Variants in COMMD1 observed in about 807,000 individuals in gnomAD.
The protein encoded by COMMD1 is COMM domain-containing protein 1.
A neutral mutation model predicts 17.2 loss-of-function variants in COMMD1; 10 were observed. The ratio of observed to expected loss-of-function variants is 0.58; its 90% CI spans 0.36 to 0.99. The LOEUF is 0.99. Among genes scored for constraint, COMMD1 ranks in the 50% least tolerant of loss-of-function variants. The pLI is 0.01. For synonymous variants in COMMD1, 97 were observed against 91.6 expected, an observed-to-expected ratio of 1.06 and a Z score of -0.34; for missense variants, 270 against 231.8, an observed-to-expected ratio of 1.17 and a Z score of -1.07.
intron 1 of COMMD1, among the ~76,000 whole-genome samples, chr2:61,891,292 A>G (rs1414258333): frequency 6.6e-6 from 1 of 152,238 alleles, no homozygotes; most frequent in Non-Finnish European, 1.5e-5. Context: ...AGTATCTGAA[A>G]TGTTTCAAGT....
chr2:62,087,199 G>T (rs1573167387), intron 2 of COMMD1, among the ~76,000 whole-genome samples: 1 of 152,184 alleles, frequency 6.6e-6, no homozygotes, highest in Non-Finnish European at 1.5e-5. Flanking sequence ...ATTATTGAAT[G>T]ATAATAGATT....
upstream of COMMD1, among the ~76,000 whole-genome samples, chr2:61,904,689 T>A (rs1669729463): frequency 1.3e-5 from 2 of 152,238 alleles, no homozygotes; most frequent in Non-Finnish European, 2.9e-5. Context: ...TTAAATTGAT[T>A]TTTCAATTGA....
At chr2:62,134,772 A>T (rs909098947) in intron 2 of COMMD1, among the ~76,000 whole-genome samples, 1 of 152,022 alleles carries the variant, frequency 6.6e-6, no homozygotes, top group Non-Finnish European at 1.5e-5. Flanking sequence ...GGGGGAAAAA[A>T]ATCTTATTTT....
At chr2:61,888,610 C>G, upstream of COMMD1, 1 of 1,375,686 alleles carries the variant, frequency 7.3e-7, no homozygotes, top group Non-Finnish European at 9.7e-7. Context: ...CTTCACGAAC[C>G]TTCCAGAAAG....
At chr2:61,927,905 C>T (rs1335400379) in intron 1 of COMMD1, among the ~76,000 whole-genome samples, 2 of 152,124 alleles carry the variant, frequency 1.3e-5, no homozygotes, top group Admixed American at 6.6e-5. Context: ...GCTGGGATTA[C>T]AGGCGCATGC....
chr2:61,905,926 C>T (rs956821260), intron 1 of COMMD1, 68 bp downstream of exon 1: 4 of 1,503,630 alleles, frequency 2.7e-6, no homozygotes, highest in Middle Eastern at 1.8e-4. Context: ...AGACTCTCCC[C>T]CCCTTGCCTT....
At chr2:61,959,932 G>T (rs555709633) in intron 1 of COMMD1, among the ~76,000 whole-genome samples, 2 of 152,244 alleles carry the variant, frequency 1.3e-5, no homozygotes, top group African/African-American at 2.4e-5. Flanking sequence ...CACTTTACCC[G>T]ATTGGCTGTT....
At chr2:61,990,557 C>T (rs1045440933) in intron 1 of COMMD1, among the ~76,000 whole-genome samples, 7 of 152,068 alleles carry the variant, frequency 4.6e-5, no homozygotes, top group East Asian at 3.9e-4. Flanking sequence ...AAGACATAGC[C>T]GAGACTGGGC....
intron 2 of COMMD1, among the ~76,000 whole-genome samples, chr2:62,055,801 G>A (rs1378422092): frequency 1.3e-5 from 2 of 152,326 alleles, no homozygotes; most frequent in East Asian, 1.9e-4. Context: ...CTCTCAGCTA[G>A]CACCATAAGT....
chr2:61,999,824 A>G (rs1394281273), intron 1 of COMMD1, among the ~76,000 whole-genome samples: 1 of 152,196 alleles, frequency 6.6e-6, no homozygotes, highest in Non-Finnish European at 1.5e-5. Flanking sequence ...GAATTGAGTG[A>G]CATGGAATTT....
At chr2:62,133,872 C>T (rs1245668200) in intron 2 of COMMD1, among the ~76,000 whole-genome samples, 2 of 152,084 alleles carry the variant, frequency 1.3e-5, no homozygotes, top group East Asian at 1.9e-4. Flanking sequence ...TTGCTAGGCT[C>T]ACTCCACCTC....
chr2:61,917,397 A>G (rs990861674), intron 1 of COMMD1, among the ~76,000 whole-genome samples: 6 of 152,138 alleles, frequency 3.9e-5, no homozygotes, highest in African/African-American at 1.4e-4. Flanking sequence ...AGTTTACAAA[A>G]TGGCTGAAGT....
chr2:61,969,590 A>G (rs528947675), intron 1 of COMMD1, among the ~76,000 whole-genome samples: 90 of 152,314 alleles, frequency 5.9e-4, no homozygotes, highest in African/African-American at 2.0e-3. Flanking sequence ...TTTTGTGGTA[A>G]TTGAACTGTT....
At chr2:61,944,001 G>A (rs1265924855) in intron 1 of COMMD1, among the ~76,000 whole-genome samples, 2 of 152,164 alleles carry the variant, frequency 1.3e-5, no homozygotes, top group Admixed American at 6.5e-5. Flanking sequence ...ACCCAGGGAC[G>A]CCTTTTGGTT....
chr2:61,949,261 A>G (rs1195197962), intron 1 of COMMD1, among the ~76,000 whole-genome samples: 1 of 152,196 alleles, frequency 6.6e-6, no homozygotes, highest in African/African-American at 2.4e-5. Flanking sequence ...TTGACTGAGA[A>G]ATTCCCATGA....
At chr2:62,119,265 C>G (rs1672681897) in intron 2 of COMMD1, among the ~76,000 whole-genome samples, 1 of 152,210 alleles carries the variant, frequency 6.6e-6, no homozygotes, top group Non-Finnish European at 1.5e-5. Context: ...TCTTGGACTT[C>G]TAGCCTCCAG....
intron 2 of COMMD1, among the ~76,000 whole-genome samples, chr2:62,129,932 T>C (rs1270558619): frequency 1.3e-5 from 2 of 152,010 alleles, no homozygotes; most frequent in Admixed American, 6.6e-5. Flanking sequence ...TCCCAGCACT[T>C]TGGGAGGCCG....
chr2:61,893,601 G>C (rs529275513), intron 1 of COMMD1, among the ~76,000 whole-genome samples: 2 of 152,242 alleles, frequency 1.3e-5, no homozygotes, highest in Admixed American at 6.5e-5. Flanking sequence ...ATAGCTTGAG[G>C]TCAGGAGTTC....
intron 1 of COMMD1, among the ~76,000 whole-genome samples, chr2:61,946,669 C>T (rs11886214): frequency 0.62 from 93,493 of 152,016 alleles, 30,080 homozygotes; most frequent in Middle Eastern, 0.75. Flanking sequence ...TACATCAGTA[C>T]ACTATTGATA....
Sources: allele counts gnomAD v4.1 joint callset (sites outside exome capture counted in the v4.1 genomes callset), GRCh38; gene constraint gnomAD v4.1.1; transcripts MANE v1.5; gene names NCBI Gene and HGNC (gene_info 2026-07-23, HGNC 2026-07-21).